Variants in LRRC4C observed in about 807,000 individuals in gnomAD.
LRRC4C encodes the protein leucine rich repeat containing 4C, also known as leucine-rich repeat-containing protein 4C.
LRRC4C carries 5 observed loss-of-function variants against 33.6 expected under a neutral mutation model. The ratio of observed to expected loss-of-function variants is 0.15; its 90% CI spans 0.08 to 0.31. The LOEUF (loss-of-function observed/expected upper bound fraction) is 0.31. Ranked by LOEUF, LRRC4C falls within the 10% of genes least tolerant of loss-of-function variation. LRRC4C has a pLI of 1.00. For missense variants in LRRC4C, 560 were observed against 796.7 expected (o/e 0.70, Z 3.58); for synonymous variants, 329 against 302.0 (o/e 1.09, Z -0.93).
intron 2 of LRRC4C, among the ~76,000 whole-genome samples, chr11:40,683,190 A>T (rs11036016): frequency 0.062 from 9,437 of 152,232 alleles, 977 homozygotes; most frequent in African/African-American, 0.22. Flanking sequence ...GGGTTAAAAA[A>T]TTATGGCAAT....
At chr11:40,601,342 GC>G (rs1959976164) in intron 3 of LRRC4C, among the ~76,000 whole-genome samples, 1 of 152,074 alleles carries the variant, frequency 6.6e-6, no homozygotes, top group African/African-American at 2.4e-5. Context: ...CTTCTTCATG[GC>G]CATGAGAGCC....
At chr11:40,736,356 T>C (rs998087224) in intron 2 of LRRC4C, among the ~76,000 whole-genome samples, 3 of 152,198 alleles carry the variant, frequency 2.0e-5, no homozygotes, top group African/African-American at 4.8e-5. Context: ...TCCTTTTTTA[T>C]GGCTGCATAG....
intron 1 of LRRC4C, among the ~76,000 whole-genome samples, chr11:41,404,786 C>A (rs1012245182): frequency 6.6e-6 from 1 of 151,814 alleles, no homozygotes; most frequent in Non-Finnish European, 1.5e-5. Flanking sequence ...CAATTAGAAG[C>A]AAAAACATTA....
rs1011558426 is a variant in LRRC4C, at chr11:40,602,998, C to A, written c.-270+45144G>T. The stretch of plus-strand genomic sequence containing the variant: ...AAGATAAAGGGAATTCTTAAAAAGA[C>A]AAGGACAAAAGGTAATCAGAGTATC... On this transcript the variant is annotated intron_variant, in intron 3 of 6. Coordinates refer to ENST00000528697, the MANE Select transcript of LRRC4C (RefSeq NM_001258419.2). Among the ~76,000 whole-genome samples the A allele has an allele frequency of 1.8e-4, 28 of 151,926 alleles. 1 individual carries two copies. The highest frequency in any genetic ancestry group is 1.8e-3 in the Admixed American group (28 of 15,244).
At chr11:40,746,761 C>G (rs1948449140) in intron 2 of LRRC4C, among the ~76,000 whole-genome samples, 1 of 152,176 alleles carries the variant, frequency 6.6e-6, no homozygotes, top group South Asian at 2.1e-4. Flanking sequence ...TCTTGGTGAA[C>G]TGAACACTCC....
intron 5 of LRRC4C, among the ~76,000 whole-genome samples, chr11:40,143,955 T>G (rs2135015675): frequency 6.6e-6 from 1 of 152,182 alleles, no homozygotes; most frequent in Non-Finnish European, 1.5e-5. Context: ...AAAATGGAGA[T>G]TACTAAGTAG....
At chr11:41,458,140 C>T (rs943366552) in intron 1 of LRRC4C, among the ~76,000 whole-genome samples, 1 of 152,138 alleles carries the variant, frequency 6.6e-6, no homozygotes, top group African/African-American at 2.4e-5. Flanking sequence ...TCTTTCTATA[C>T]ATAGACATCA....
At chr11:40,123,499 A>C (rs1336901732) in intron 6 of LRRC4C, among the ~76,000 whole-genome samples, 1 of 152,170 alleles carries the variant, frequency 6.6e-6, no homozygotes, top group South Asian at 2.1e-4. Flanking sequence ...TACTATAGCT[A>C]TAAATACAAT....
At chr11:41,072,574 T>C (rs935543022) in intron 1 of LRRC4C, among the ~76,000 whole-genome samples, 1 of 152,056 alleles carries the variant, frequency 6.6e-6, no homozygotes, top group Non-Finnish European at 1.5e-5. Context: ...GATTGTAAGT[T>C]TTCTGAGACC....
chr11:40,948,836 A>G (rs1958551076), intron 1 of LRRC4C, among the ~76,000 whole-genome samples: 1 of 151,846 alleles, frequency 6.6e-6, no homozygotes, highest in Admixed American at 6.6e-5. Flanking sequence ...ATACGTGTGC[A>G]TGTGTCTTTA....
chr11:40,288,212 G>A (rs1220840534), intron 4 of LRRC4C, among the ~76,000 whole-genome samples: 1 of 152,150 alleles, frequency 6.6e-6, no homozygotes, highest in Non-Finnish European at 1.5e-5. Flanking sequence ...CACTTAAGAT[G>A]CTAGAGTCCA....
At chr11:40,958,899 C>T (rs10501245) in intron 1 of LRRC4C, among the ~76,000 whole-genome samples, 35,693 of 151,436 alleles carry the variant, frequency 0.24, 4,557 homozygotes, top group Middle Eastern at 0.32. Context: ...CAAGTTCCAA[C>T]AAATGTCTCA....
At chr11:40,952,433 A>G (rs1364356744) in intron 1 of LRRC4C, among the ~76,000 whole-genome samples, 1 of 151,716 alleles carries the variant, frequency 6.6e-6, no homozygotes, top group Non-Finnish European at 1.5e-5. Flanking sequence ...AGAAGTTCTA[A>G]CCCTTTTTCA....
chr11:40,322,814 C>T (rs923370481), intron 3 of LRRC4C, among the ~76,000 whole-genome samples: 1 of 152,152 alleles, frequency 6.6e-6, no homozygotes, highest in Non-Finnish European at 1.5e-5. Context: ...GGGTCTGTCC[C>T]AGAGTAAGCA....
intron 2 of LRRC4C, among the ~76,000 whole-genome samples, chr11:40,858,244 C>G (rs577900450): frequency 2.0e-5 from 3 of 152,222 alleles, no homozygotes; most frequent in South Asian, 2.1e-4. Context: ...TTTCACTGGA[C>G]GTAACTGGGC....
At chr11:41,348,433 G>A (rs1362212848) in intron 1 of LRRC4C, among the ~76,000 whole-genome samples, 1 of 152,008 alleles carries the variant, frequency 6.6e-6, no homozygotes, top group Non-Finnish European at 1.5e-5. Flanking sequence ...CTGTCTACCA[G>A]AGATTTAATA....
intron 1 of LRRC4C, among the ~76,000 whole-genome samples, chr11:41,303,870 G>T (rs1214335502): frequency 1.8e-5 from 1 of 54,668 alleles, no homozygotes. Context: ...CGTCTGAGAA[G>T]TGAGGAGCCC....
At chr11:40,939,096 G>C (rs1364378825) in intron 1 of LRRC4C, among the ~76,000 whole-genome samples, 2 of 152,150 alleles carry the variant, frequency 1.3e-5, no homozygotes, top group Admixed American at 6.6e-5. Context: ...ATATGTCCAT[G>C]TACAAAAACT....
chr11:40,450,013 T>G (rs1403750475), intron 3 of LRRC4C, among the ~76,000 whole-genome samples: 1 of 152,088 alleles, frequency 6.6e-6, no homozygotes, highest in Non-Finnish European at 1.5e-5. Context: ...CATAGTGATT[T>G]TAGATTAGGT....
Sources: allele counts gnomAD v4.1 joint callset (sites outside exome capture counted in the v4.1 genomes callset), GRCh38; gene constraint gnomAD v4.1.1; transcripts MANE v1.5; gene names NCBI Gene and HGNC (gene_info 2026-07-23, HGNC 2026-07-21).